The following PIGG variants were observed in gnomAD, a reference collection of about 807,000 sequenced individuals.
PIGG encodes the protein phosphatidylinositol glycan anchor biosynthesis class G (EMM blood group).
In PIGG, 70 loss-of-function variants were observed where a neutral mutation model predicts 83.2. The ratio of observed to expected loss-of-function variants is 0.84; its 90% CI spans 0.69 to 1.03. The LOEUF is 1.03. Among genes scored for constraint, PIGG ranks in the 50% least tolerant of loss-of-function variants. PIGG has a pLI of 0.00. For synonymous variants in PIGG, 532 were observed against 519.5 expected (o/e 1.02, Z -0.33); for missense variants, 1,257 against 1,233.6 (o/e 1.02, Z -0.28).
At chr4:500,187 C>A (rs1337055685) in intron 1 of PIGG, 7 of 586,608 alleles carry the variant, frequency 1.2e-5, no homozygotes, top group Non-Finnish European at 1.8e-5. Flanking sequence ...TCACTGCTTG[C>A]TACTGTGGGT....
chr4:519,681 C>T (rs893878472), intron 6 of PIGG, among the ~76,000 whole-genome samples: 1 of 152,084 alleles, frequency 6.6e-6, no homozygotes, highest in African/African-American at 2.4e-5. Flanking sequence ...CACCTGGTGC[C>T]GGCAGCAGTG....
At position 528,508 on chromosome 4, in the gene PIGG, C is replaced by T; in HGVS notation, c.2261+1278C>T. 1 of 985,246 alleles carries T rather than the reference C, an allele frequency of 1.0e-6. No individual in the cohort carries two copies. Among genetic ancestry groups the T allele is most frequent in the Non-Finnish European group, 1.2e-6 (1 of 829,880 alleles). The allele number at this position is 985,246 out of a possible 1,614,324, so 61.0% of individuals were successfully genotyped here. On this transcript the variant is annotated intron_variant, in intron 10 of 12. Coordinates refer to ENST00000453061, the MANE Select transcript of PIGG (RefSeq NM_001127178.3). This position sits in a 1 kb window ranked among gnomAD's most constrained non-coding sequence, Gnocchi z 4.8. ...GGTGGGAGTTAGGGTGACCTGAGGCCTGGCTGAGGCAGTGAGAGTGTAGCA... is the reference window on the plus strand; with the variant it reads ...GGTGGGAGTTAGGGTGACCTGAGGCTTGGCTGAGGCAGTGAGAGTGTAGCA...
At chr4:503,392 C>T (rs963227130) in intron 2 of PIGG, among the ~76,000 whole-genome samples, 2 of 152,238 alleles carry the variant, frequency 1.3e-5, no homozygotes, top group Non-Finnish European at 2.9e-5. Context: ...CCTCAAGGCT[C>T]TGCGTGGCCT....
At chr4:526,593 AC>A (rs1727683219) in intron 9 of PIGG, among the ~76,000 whole-genome samples, 1 of 151,630 alleles carries the variant, frequency 6.6e-6, no homozygotes, top group Non-Finnish European at 1.5e-5. Flanking sequence ...TGCAGGGCTG[AC>A]CCCGAGAGGG....
rs1327290460 is a variant in PIGG, at chr4:508,740, A to T, written c.760-89A>T. The T allele has an allele frequency of 2.5e-6, 3 of 1,191,158 alleles. No homozygotes were observed. In the African/African-American group the frequency reaches 4.6e-5, roughly 18 times the overall value. The allele number at this position is 1,191,158 out of a possible 1,614,324, so 73.8% of individuals were successfully genotyped here. Reference sequence around the variant, plus strand: ...TTGAGAAAGAGCTACAACTCTATAAAGTAAAGCTAAAACCGAAAATTGTCT... The same window carrying T: ...TTGAGAAAGAGCTACAACTCTATAATGTAAAGCTAAAACCGAAAATTGTCT... On this transcript the variant is annotated intron_variant, in intron 4 of 12. Transcript: ENST00000453061.
chr4:504,641 CG>C (rs1365822268), intron 2 of PIGG, among the ~76,000 whole-genome samples: 1 of 152,146 alleles, frequency 6.6e-6, no homozygotes, highest in South Asian at 2.1e-4. Flanking sequence ...AAAGATGTCT[CG>C]GTAAAATTAT....
At chr4:504,010 T>G (rs1445296836) in intron 2 of PIGG, among the ~76,000 whole-genome samples, 1 of 152,192 alleles carries the variant, frequency 6.6e-6, no homozygotes, top group African/African-American at 2.4e-5. Flanking sequence ...AATTACATTT[T>G]TGCATGTACA....
chr4:535,676 CG>C (rs1398299781), intron 12 of PIGG, among the ~76,000 whole-genome samples: 1 of 152,200 alleles, frequency 6.6e-6, no homozygotes, highest in Non-Finnish European at 1.5e-5. Flanking sequence ...GCTGAGCCCC[CG>C]TGCCAGCCCT....
At chr4:509,162 C>T (rs1720976751) in intron 5 of PIGG, among the ~76,000 whole-genome samples, 192 bp downstream of exon 5, 1 of 152,158 alleles carries the variant, frequency 6.6e-6, no homozygotes, top group African/African-American at 2.4e-5. Context: ...CCTTAAAATA[C>T]AGTTATTCTT....
At position 505,416 on chromosome 4, in the gene PIGG, T is replaced by C. The variant is rs375391999; in HGVS notation, c.361-302T>C. On this transcript the variant is annotated intron_variant, in intron 2 of 12. Coordinates refer to ENST00000453061, the MANE Select transcript of PIGG (RefSeq NM_001127178.3). Reference sequence around the variant, plus strand: ...GCTCACCTATTTTATCCATAAAAAATCTTCAGACCAGCCTGGGCAACATAG... The same window carrying C: ...GCTCACCTATTTTATCCATAAAAAACCTTCAGACCAGCCTGGGCAACATAG... Among the ~76,000 whole-genome samples the C allele has an allele frequency of 6.9e-5, 9 of 129,914 alleles. No individual in the cohort carries two copies. The South Asian group carries it at 1.5e-3, about 21-fold the overall frequency. 85.2% of individuals were successfully genotyped at this position (129,914 alleles called of 152,430 possible).
At position 528,629 on chromosome 4, in the gene PIGG, G is replaced by A; in HGVS notation, c.2261+1399G>A. 8 of 985,314 alleles carry A rather than the reference G, an allele frequency of 8.1e-6. No individual in the cohort carries two copies. Among genetic ancestry groups the A allele is most frequent in the Non-Finnish European group, 9.6e-6 (8 of 829,834 alleles). 61.0% of individuals were successfully genotyped at this position (985,314 alleles called of 1,614,324 possible). On this transcript the variant is annotated intron_variant, in intron 10 of 12. Transcript: ENST00000453061. This position sits in a 1 kb window ranked among gnomAD's most constrained non-coding sequence, Gnocchi z 4.8. Reference sequence around the variant, plus strand: ...AGATGTCTCAAAGGCTGTTGACTTTGGAATCTGAGACTTAGGGCTCATCCA... The same window carrying A: ...AGATGTCTCAAAGGCTGTTGACTTTAGAATCTGAGACTTAGGGCTCATCCA...
rs578190386 is a variant in PIGG at position 539,034 on chromosome 4, C to T, written c.2736-119C>T. ...CTGGATGTGTGTGCAGAAGAAGGAA[C>T]GCGGTGCCCTCTACTCCAAGGGCAA... On this transcript the variant is annotated intron_variant, in intron 12 of 12. Transcript: ENST00000453061. 5.0e-4 allele frequency: 328 copies of T among 654,008 alleles called. 2 individuals carry two copies. The highest frequency in any genetic ancestry group is 1.5e-4 in the Non-Finnish European group (54 of 367,354). 40.5% of individuals were successfully genotyped at this position (654,008 alleles called of 1,614,324 possible). A position where few individuals can be genotyped will look rare whatever the true frequency, so the allele number is the denominator to read the frequency against.
intron 12 of PIGG, among the ~76,000 whole-genome samples, chr4:538,220 A>C (rs192074711): frequency 3.3e-5 from 5 of 152,328 alleles, no homozygotes; most frequent in Middle Eastern, 3.4e-3. Context: ...TGAGGCATGG[A>C]AAGTGCCCAA....
intron 9 of PIGG, 52 bp from the exon 10 acceptor site, chr4:526,987 G>T: frequency 6.3e-7 from 1 of 1,591,298 alleles, no homozygotes. Context: ...GGTGTAGATT[G>T]ATCTTGTCGC....
intron 1 of PIGG, 30 bp downstream of exon 1, chr4:499,519 C>G (rs1553874321): frequency 1.9e-6 from 3 of 1,571,494 alleles, no homozygotes; most frequent in African/African-American, 2.7e-5. Context: ...GTCTCCGCTC[C>G]CCTGACCCCA....
intron 9 of PIGG, 44 bp downstream of exon 9, chr4:523,957 C>A: frequency 1.6e-6 from 2 of 1,237,114 alleles, no homozygotes; most frequent in Non-Finnish European, 2.2e-6. Flanking sequence ...TTTCTACGGC[C>A]GATTGGTCAC....
At chr4:531,783 C>G (rs11248023) in intron 11 of PIGG, 28,635 of 152,556 alleles carry the variant, frequency 0.19, 3,264 homozygotes, top group African/African-American at 0.32. Flanking sequence ...GGCCCCTGTC[C>G]TCCTCGTACA....
chr4:522,366 G>T (rs917219246), intron 8 of PIGG: 1 of 313,336 alleles, frequency 3.2e-6, no homozygotes, highest in African/African-American at 2.1e-5. Context: ...AGACTTGGTC[G>T]CACCACTCAT....
chr4:534,650 C>T (rs1729950921), intron 12 of PIGG, among the ~76,000 whole-genome samples: 2 of 152,250 alleles, frequency 1.3e-5, no homozygotes, highest in South Asian at 4.1e-4. Flanking sequence ...TCCAGTGAGC[C>T]TGAGGTCTCC....
Sources: allele counts gnomAD v4.1 joint callset (sites outside exome capture counted in the v4.1 genomes callset), GRCh38; gene constraint gnomAD v4.1.1; non-coding constraint Gnocchi (gnomAD v3.1); transcripts MANE v1.5; gene names NCBI Gene and HGNC (gene_info 2026-07-23, HGNC 2026-07-21).